The following ATP13A4 variants were observed in gnomAD, a reference collection of about 807,000 sequenced individuals.
ATP13A4 encodes the protein ATPase 13A4.
A neutral mutation model predicts 142.5 loss-of-function variants in ATP13A4; 114 were observed. The observed-to-expected ratio is 0.80, with a 90% CI of 0.69 to 0.93. The LOEUF (loss-of-function observed/expected upper bound fraction) is 0.93, where lower values mean the gene tolerates loss of function less well. ATP13A4 is among the 40% of genes least tolerant of loss of function. The pLI is 0.00. For missense variants in ATP13A4, 1,392 were observed against 1,454.0 expected (o/e 0.96, Z 0.69); for synonymous variants, 488 against 514.8 (o/e 0.95, Z 0.70).
chr3:193,523,441 T>G (rs948748192), intron 1 of ATP13A4, among the ~76,000 whole-genome samples: 1 of 152,188 alleles, frequency 6.6e-6, no homozygotes, highest in Non-Finnish European at 1.5e-5. Context: ...TTTCACCCCC[T>G]GACCTCTAGG....
intron 12 of ATP13A4, among the ~76,000 whole-genome samples, chr3:193,464,383 A>G (rs1030058190): frequency 6.6e-6 from 1 of 152,212 alleles, no homozygotes; most frequent in Admixed American, 6.5e-5. Context: ...AATAAATACA[A>G]TAAAAAGACG....
intron 2 of ATP13A4, among the ~76,000 whole-genome samples, chr3:193,560,055 T>C (rs1249341406): frequency 6.6e-6 from 1 of 152,186 alleles, no homozygotes; most frequent in Non-Finnish European, 1.5e-5. Context: ...ACTATTAGAC[T>C]GGGCCTTAGA....
intron 29 of ATP13A4, among the ~76,000 whole-genome samples, chr3:193,405,225 A>C (rs1308362061): frequency 6.6e-6 from 1 of 152,232 alleles, no homozygotes; most frequent in Non-Finnish European, 1.5e-5. Context: ...TAGAGGATTA[A>C]GGAAGACTTT....
chr3:193,487,909 T>C (rs1052864353), intron 7 of ATP13A4, among the ~76,000 whole-genome samples: 1 of 152,208 alleles, frequency 6.6e-6, no homozygotes, highest in African/African-American at 2.4e-5. Flanking sequence ...AAAATTACGG[T>C]ACATCTAGAG....
intron 24 of ATP13A4, among the ~76,000 whole-genome samples, chr3:193,434,355 A>G (rs540208373): frequency 1.4e-4 from 21 of 152,332 alleles, no homozygotes; most frequent in African/African-American, 4.8e-4. Context: ...CACTATTTGC[A>G]TTCTTGAATG....
At chr3:193,495,243 G>T (rs1349731785) in intron 3 of ATP13A4, among the ~76,000 whole-genome samples, 1 of 151,960 alleles carries the variant, frequency 6.6e-6, no homozygotes, top group Admixed American at 6.6e-5. Flanking sequence ...AAATTAATAT[G>T]CATCAGGTGA....
intron 13 of ATP13A4, among the ~76,000 whole-genome samples, chr3:193,460,092 C>T (rs555877168): frequency 6.6e-6 from 1 of 152,192 alleles, no homozygotes; most frequent in East Asian, 1.9e-4. Flanking sequence ...CTCCTGGGAG[C>T]CAGTAAGGGT....
At chr3:193,434,031 G>T in intron 24 of ATP13A4, 114 bp from the exon 25 acceptor site, 1 of 884,458 alleles carries the variant, frequency 1.1e-6, no homozygotes. Flanking sequence ...AATTACTGTG[G>T]AGATGCTGTG....
chr3:193,562,176 C>T (rs1724030918), intron 2 of ATP13A4, among the ~76,000 whole-genome samples: 1 of 152,022 alleles, frequency 6.6e-6, no homozygotes, highest in Non-Finnish European at 1.5e-5. Flanking sequence ...GGAGAGCTAC[C>T]AAACCCAGAC....
At position 193,456,961 on chromosome 3, in the gene ATP13A4, T is replaced by TA. The variant is rs758836349; in HGVS notation, c.1915+38dup. 6.3e-6 allele frequency: 10 copies of TA among 1,584,318 alleles called. No homozygotes were observed. The East Asian group carries it at 2.3e-4, about 36-fold the overall frequency. On this transcript the variant is annotated intron_variant, in intron 16 of 29. Coordinates refer to ENST00000342695, the MANE Select transcript of ATP13A4 (RefSeq NM_032279.4). ...CAGTGGGAACATATTTATCTGGAGA[T>TA]ACAGATTTGCCAGGTGTAATCCAAG...
chr3:193,540,776 T>C (rs1362256772), intron 1 of ATP13A4, among the ~76,000 whole-genome samples: 1 of 149,666 alleles, frequency 6.7e-6, no homozygotes, highest in Non-Finnish European at 1.5e-5. Flanking sequence ...TGCAGTATGA[T>C]GTTAAATTTA....
chr3:193,541,490 G>GA (rs1722928562), intron 1 of ATP13A4, among the ~76,000 whole-genome samples: 1 of 151,572 alleles, frequency 6.6e-6, no homozygotes, highest in Admixed American at 6.6e-5. Flanking sequence ...TGACAAAAGA[G>GA]AAAAAAATCA....
chr3:193,504,447 C>G (rs909906099), intron 2 of ATP13A4, among the ~76,000 whole-genome samples: 1 of 152,140 alleles, frequency 6.6e-6, no homozygotes, highest in Admixed American at 6.5e-5. Context: ...ATGTTCTAAG[C>G]ACATAATGCT....
At chr3:193,426,190 C>T (rs1576948407) in intron 25 of ATP13A4, among the ~76,000 whole-genome samples, 1 of 151,726 alleles carries the variant, frequency 6.6e-6, no homozygotes, top group African/African-American at 2.4e-5. Flanking sequence ...ATAAGATCAA[C>T]ACAAAAACAA....
At chr3:193,508,957 T>C (rs2108681141) in intron 2 of ATP13A4, among the ~76,000 whole-genome samples, 1 of 150,914 alleles carries the variant, frequency 6.6e-6, no homozygotes, top group East Asian at 1.9e-4. Context: ...ACAATCACTG[T>C]CTTCAAAAAG....
At chr3:193,405,602 G>A (rs189084488) in intron 29 of ATP13A4, among the ~76,000 whole-genome samples, 3 of 152,240 alleles carry the variant, frequency 2.0e-5, no homozygotes, top group East Asian at 1.9e-4. Flanking sequence ...AGACCACATC[G>A]AAGGAGAGTA....
intron 1 of ATP13A4, among the ~76,000 whole-genome samples, chr3:193,538,343 T>C (rs1322866340): frequency 6.6e-6 from 1 of 152,102 alleles, no homozygotes. Flanking sequence ...GTGCTGGTTG[T>C]GTAAAGGTCC....
chr3:193,454,766 G>A (rs1717488324), intron 16 of ATP13A4, among the ~76,000 whole-genome samples: 1 of 152,168 alleles, frequency 6.6e-6, no homozygotes, highest in South Asian at 2.1e-4. Flanking sequence ...AAGCCTGGAA[G>A]ACAGCCTAGG....
At position 193,554,866 on chromosome 3, in the gene ATP13A4, C is replaced by T; in HGVS notation, c.-67G>A. On this transcript the variant is annotated 5_prime_UTR_variant, in exon 1 of 30. Transcript: ENST00000342695. ...GACGCTTCCAGGATGAACTCCAACT[C>T]GCCGAGCCACCGCAGCTCCTCAGCT... The T allele has an allele frequency of 1.9e-6, 3 of 1,613,078 alleles. No individual in the cohort carries two copies. Among genetic ancestry groups the T allele is most frequent in the Non-Finnish European group, 2.5e-6 (3 of 1,179,940 alleles).
Sources: gnomAD v4.1 joint callset for allele counts (sites outside exome capture counted in the v4.1 genomes callset) on GRCh38, gnomAD v4.1.1 for gene constraint, MANE v1.5 for transcripts, NCBI Gene and HGNC (gene_info 2026-07-23, HGNC 2026-07-21) for gene names.